The following LRP1B variants were observed in gnomAD, a reference collection of about 807,000 sequenced individuals.
LRP1B encodes low-density lipoprotein receptor-related protein 1B.
LRP1B carries 217 observed loss-of-function variants against 556.6 expected under a neutral mutation model. That is an observed-to-expected ratio of 0.39 (90% confidence interval 0.35 to 0.44). The LOEUF (loss-of-function observed/expected upper bound fraction) is 0.44, where lower values mean the gene tolerates loss of function less well. Among genes scored for constraint, LRP1B ranks in the 20% least tolerant of loss-of-function variants. LRP1B has a pLI of 1.00. For synonymous variants in LRP1B, 2,047 were observed against 1,865.8 expected, an observed-to-expected ratio of 1.10 and a Z score of -2.50; for missense variants, 5,053 against 5,620.8, an observed-to-expected ratio of 0.90 and a Z score of 3.23.
intron 41 of LRP1B, among the ~76,000 whole-genome samples, chr2:140,668,860 T>C (rs990727548): frequency 2.0e-5 from 3 of 152,126 alleles, no homozygotes; most frequent in African/African-American, 7.2e-5. Flanking sequence ...ATTTTCCAGA[T>C]AAGTTCTCTC....
chr2:141,866,929 T>C (rs955290962), intron 1 of LRP1B, among the ~76,000 whole-genome samples: 1 of 151,930 alleles, frequency 6.6e-6, no homozygotes, highest in Non-Finnish European at 1.5e-5. Flanking sequence ...GGAAAGAAGA[T>C]TTGACCCAAA....
intron 32 of LRP1B, among the ~76,000 whole-genome samples, chr2:140,805,295 CAG>C (rs1690672340): frequency 6.6e-6 from 1 of 152,064 alleles, no homozygotes; most frequent in Non-Finnish European, 1.5e-5. Flanking sequence ...AAAAATTTAG[CAG>C]AGAGCTTAAA....
intron 60 of LRP1B, among the ~76,000 whole-genome samples, chr2:140,468,401 A>G (rs987707732): frequency 2.0e-5 from 3 of 152,186 alleles, no homozygotes; most frequent in Non-Finnish European, 2.9e-5. Context: ...TGGTAGGGCC[A>G]CAGTAGAGAG....
chr2:140,541,771 T>C lies in LRP1B; in HGVS notation c.7387+8A>G, dbSNP rs1358043407. 1.2e-6 allele frequency: 2 copies of C among 1,601,734 alleles called. No individual in the cohort carries two copies. Among genetic ancestry groups the C allele is most frequent in the South Asian group, 1.1e-5 (1 of 89,722 alleles). Reference sequence around the variant, plus strand: ...GAAAAAACACATTTGCTTTCTATTATAACTTACAGCTATTGGTGTCATTGG... The same window carrying C: ...GAAAAAACACATTTGCTTTCTATTACAACTTACAGCTATTGGTGTCATTGG... On this transcript the variant is annotated splice_region_variant and intron_variant, in intron 44 of 90. Transcript: ENST00000389484.
chr2:141,315,269 T>TTG (rs2105458367), intron 3 of LRP1B, among the ~76,000 whole-genome samples: 1 of 136,502 alleles, frequency 7.3e-6, no homozygotes, highest in East Asian at 2.2e-4. Flanking sequence ...TTTTTTTTTT[T>TTG]TTTTTTTTGA....
chr2:141,858,238 G>A (rs1424301593), intron 1 of LRP1B, among the ~76,000 whole-genome samples: 1 of 152,100 alleles, frequency 6.6e-6, no homozygotes, highest in Non-Finnish European at 1.5e-5. Flanking sequence ...CCATATTCAT[G>A]TAGAGTTGAC....
intron 7 of LRP1B, among the ~76,000 whole-genome samples, chr2:141,174,970 C>T (rs1277179526): frequency 6.6e-6 from 1 of 152,100 alleles, no homozygotes; most frequent in East Asian, 1.9e-4. Context: ...ATCACTCTTG[C>T]TATTCTTTAG....
chr2:140,942,366 T>C (rs1370430669), intron 20 of LRP1B, among the ~76,000 whole-genome samples: 1 of 152,142 alleles, frequency 6.6e-6, no homozygotes, highest in East Asian at 1.9e-4. Context: ...GAAAACATAT[T>C]TGAGGATATA....
chr2:140,389,747 A>T (rs1003510337), intron 66 of LRP1B, among the ~76,000 whole-genome samples: 2 of 147,794 alleles, frequency 1.4e-5, no homozygotes, highest in African/African-American at 4.9e-5. Flanking sequence ...ATATAGTTTT[A>T]TATATATATA....
chr2:140,812,225 C>A lies in LRP1B; in HGVS notation c.5359+1432G>T, dbSNP rs192736887. ...CATCAGATGCCAACTTTGACATTTCCATAGAACTCTACTTTTCAAAAAGTA... is the reference window on the plus strand; with the variant it reads ...CATCAGATGCCAACTTTGACATTTCAATAGAACTCTACTTTTCAAAAAGTA... On this transcript the variant is annotated intron_variant, in intron 32 of 90. Coordinates refer to ENST00000389484, the MANE Select transcript of LRP1B (RefSeq NM_018557.3). Among the ~76,000 whole-genome samples the A allele has an allele frequency of 9.9e-4, 150 of 152,120 alleles. 1 individual carries two copies. In the Middle Eastern group the frequency reaches 0.01, roughly 10 times the overall value.
intron 1 of LRP1B, among the ~76,000 whole-genome samples, chr2:142,006,299 G>A (rs1197509334): frequency 6.6e-6 from 1 of 152,038 alleles, no homozygotes; most frequent in Non-Finnish European, 1.5e-5. Flanking sequence ...CAATAGAAGG[G>A]TTAATCAAAA....
intron 1 of LRP1B, among the ~76,000 whole-genome samples, chr2:141,888,272 ATTC>A (rs1699184416): frequency 2.0e-5 from 3 of 152,198 alleles, no homozygotes; most frequent in Admixed American, 6.5e-5. Context: ...TACATTGAAC[ATTC>A]TTGGTTTTAT....
At chr2:141,772,309 T>A (rs903090805) in intron 2 of LRP1B, among the ~76,000 whole-genome samples, 1 of 152,174 alleles carries the variant, frequency 6.6e-6, no homozygotes, top group Non-Finnish European at 1.5e-5. Flanking sequence ...CTAGGAAAAC[T>A]ATTAATCTTA....
intron 3 of LRP1B, among the ~76,000 whole-genome samples, chr2:141,469,868 T>C (rs1304585089): frequency 6.6e-6 from 1 of 152,112 alleles, no homozygotes; most frequent in African/African-American, 2.4e-5. Context: ...CATCTGAAAA[T>C]AGGTAAATAT....
chr2:140,453,392 C>T (rs1686960959), intron 62 of LRP1B, among the ~76,000 whole-genome samples: 1 of 151,648 alleles, frequency 6.6e-6, no homozygotes, highest in Non-Finnish European at 1.5e-5. Flanking sequence ...TCATTTTTAC[C>T]CACTTAAATT....
chr2:140,832,878 T>G (rs147514970), intron 31 of LRP1B, among the ~76,000 whole-genome samples: 2 of 152,044 alleles, frequency 1.3e-5, no homozygotes, highest in Admixed American at 1.3e-4. Flanking sequence ...TCAAAATAGC[T>G]AGAAGAGATG....
In LRP1B at chr2:141,048,958, T is replaced by C. The variant is rs183011061; in HGVS notation, c.1789+28A>G. On this transcript the variant is annotated intron_variant, in intron 11 of 90. Coordinates refer to ENST00000389484, the MANE Select transcript of LRP1B (RefSeq NM_018557.3). Reference sequence around the variant, plus strand: ...TTAAAGTGCTTCATCTCTGGGTAGTTTGATGTTAATGTCACAGTGTCACTT... The same window carrying C: ...TTAAAGTGCTTCATCTCTGGGTAGTCTGATGTTAATGTCACAGTGTCACTT... 90 of 1,518,198 alleles carry C rather than the reference T, an allele frequency of 5.9e-5. No homozygotes were observed. The Admixed American group carries it at 1.3e-3, about 21-fold the overall frequency. 94.0% of individuals were successfully genotyped at this position (1,518,198 alleles called of 1,614,324 possible).
intron 49 of LRP1B, among the ~76,000 whole-genome samples, chr2:140,520,984 T>A (rs1690145642): frequency 6.6e-6 from 1 of 151,654 alleles, no homozygotes; most frequent in Non-Finnish European, 1.5e-5. Context: ...GTCCTTCATA[T>A]TAATTTTTTT....
intron 2 of LRP1B, among the ~76,000 whole-genome samples, chr2:141,483,162 T>C (rs1229595693): frequency 7.2e-6 from 1 of 139,600 alleles, no homozygotes; most frequent in Non-Finnish European, 1.5e-5. Context: ...CCTTCCTGTG[T>C]CCATGTGTTC....
Sources: allele counts gnomAD v4.1 joint callset (sites outside exome capture counted in the v4.1 genomes callset), GRCh38; gene constraint gnomAD v4.1.1; transcripts MANE v1.5; gene names NCBI Gene and HGNC (gene_info 2026-07-23, HGNC 2026-07-21).